Variants in ZC3H6 observed in about 807,000 individuals in gnomAD.
The protein encoded by ZC3H6 is zinc finger CCCH domain-containing protein 6.
Under a neutral mutation model 107.7 loss-of-function variants are expected in ZC3H6, and 40 were observed. The observed-to-expected ratio is 0.37, with a 90% CI of 0.29 to 0.48. ZC3H6 has a LOEUF of 0.48. Ranked by LOEUF, ZC3H6 falls within the 20% of genes least tolerant of loss-of-function variation. The pLI, the probability that ZC3H6 is intolerant of heterozygous loss-of-function variation, is 0.98. For missense variants in ZC3H6, 1,267 were observed against 1,410.4 expected, an observed-to-expected ratio of 0.90 and a Z score of 1.63; for synonymous variants, 493 against 487.9, an observed-to-expected ratio of 1.01 and a Z score of -0.14.
At chr2:112,290,749 A>G (rs1284685363) in intron 1 of ZC3H6, among the ~76,000 whole-genome samples, 2 of 152,198 alleles carry the variant, frequency 1.3e-5, no homozygotes, top group East Asian at 3.8e-4. Flanking sequence ...TCTCTGGATT[A>G]AGTCAGAATG....
Position 112,332,933 on chromosome 2 carries a change from G to C in ZC3H6, c.*445G>C, listed in dbSNP as rs1203169134. On this transcript the variant is annotated 3_prime_UTR_variant, in exon 12 of 12. Transcript: ENST00000409871. ...AGCACAGAACTGATTAATATGTAAT[G>C]CTACCTGCTAATTAAAATGTAAAAT... The C allele has an allele frequency of 6.5e-6, 1 of 152,922 alleles. No individual in the cohort carries two copies. The highest frequency in any genetic ancestry group is 2.4e-5 in the African/African-American group (1 of 41,444). The allele number at this position is 152,922 out of a possible 1,614,324, so 9.5% of individuals were successfully genotyped here.
At chr2:112,290,389 T>C (rs1676088272) in intron 1 of ZC3H6, among the ~76,000 whole-genome samples, 1 of 152,274 alleles carries the variant, frequency 6.6e-6, no homozygotes, top group Non-Finnish European at 1.5e-5. Flanking sequence ...TCAGTTTATT[T>C]ACGACTTCCT....
chr2:112,291,903 A>G (rs1676126441), intron 1 of ZC3H6, among the ~76,000 whole-genome samples: 1 of 151,882 alleles, frequency 6.6e-6, no homozygotes, highest in African/African-American at 2.4e-5. Context: ...TTTTTAGTAG[A>G]GATAGGGGTT....
At chr2:112,278,167 A>G (rs1005004659) in intron 1 of ZC3H6, among the ~76,000 whole-genome samples, 1 of 152,142 alleles carries the variant, frequency 6.6e-6, no homozygotes, top group Non-Finnish European at 1.5e-5. Flanking sequence ...AAATTTGGGG[A>G]AAAAATGGAC....
At chr2:112,324,749 TAAGTA>T in intron 10 of ZC3H6, 86 bp downstream of exon 10, 2 of 1,331,292 alleles carry the variant, frequency 1.5e-6, no homozygotes, top group Non-Finnish European at 2.0e-6. Context: ...ACGTAAGTTT[TAAGTA>T]AAGCTGAGTA....
intron 7 of ZC3H6, among the ~76,000 whole-genome samples, chr2:112,318,883 T>C (rs1676749738): frequency 6.6e-6 from 1 of 152,136 alleles, no homozygotes; most frequent in South Asian, 2.1e-4. Flanking sequence ...AGTCTTAACA[T>C]TACTAAAAAG....
chr2:112,335,053 A>G lies in ZC3H6; in HGVS notation c.*2565A>G, dbSNP rs1205422548. ...TTTACTGTGATGATGAATACAGTGG[A>G]TATAGCAGGGGGTTGAAATGGAACA... On this transcript the variant is annotated 3_prime_UTR_variant, in exon 12 of 12. Coordinates refer to ENST00000409871, the MANE Select transcript of ZC3H6 (RefSeq NM_198581.3). The G allele has an allele frequency of 6.6e-6, 1 of 152,234 alleles. No homozygotes were observed. The highest frequency in any genetic ancestry group is 2.4e-5 in the African/African-American group (1 of 41,440). The allele number at this position is 152,234 out of a possible 1,614,324, so 9.4% of individuals were successfully genotyped here. A position where few individuals can be genotyped will look rare whatever the true frequency, so the allele number is the denominator to read the frequency against.
At chr2:112,303,437 A>G in intron 3 of ZC3H6, 86 bp downstream of exon 3, 1 of 951,002 alleles carries the variant, frequency 1.1e-6, no homozygotes, top group Non-Finnish European at 1.6e-6. Flanking sequence ...ATTCAGTGAT[A>G]TTAAGTATAT....
At position 112,334,700 on chromosome 2, in the gene ZC3H6, T is replaced by G. The variant is rs1677109196; in HGVS notation, c.*2212T>G. On this transcript the variant is annotated 3_prime_UTR_variant, in exon 12 of 12. Coordinates refer to ENST00000409871, the MANE Select transcript of ZC3H6 (RefSeq NM_198581.3). ...ATAACTTATTTATTATGCAGCATTT[T>G]TATTGTGATAACGTTAGTTTATGGG... 1 of 152,604 alleles carries G rather than the reference T, an allele frequency of 6.6e-6. No individual in the cohort carries two copies. The highest frequency in any genetic ancestry group is 6.5e-5 in the Admixed American group (1 of 15,280). The allele number at this position is 152,604 out of a possible 1,614,324, so 9.5% of individuals were successfully genotyped here.
At chr2:112,324,889 A>G in intron 10 of ZC3H6, 75 bp from the exon 11 acceptor site, 2 of 1,330,998 alleles carry the variant, frequency 1.5e-6, no homozygotes, top group South Asian at 1.3e-5. Flanking sequence ...GCCTGTGATG[A>G]AAGCTTTCAT....
In ZC3H6 at chr2:112,330,055, G is replaced by GT. The variant is rs796884389; in HGVS notation, c.2087-935dup. On this transcript the variant is annotated intron_variant, in intron 11 of 11. Transcript: ENST00000409871. Reference sequence around the variant, plus strand: ...AAGTATGTAAGTTTTAGGATGGTAGGTTTTTTTTTTTTTTTGAGATGGAGT... The same window carrying GT: ...AAGTATGTAAGTTTTAGGATGGTAGGTTTTTTTTTTTTTTTTGAGATGGAGT... Among the ~76,000 whole-genome samples, 478 of 142,736 alleles carry GT rather than the reference G, an allele frequency of 3.3e-3. 1 individual carries two copies. Among genetic ancestry groups the GT allele is most frequent in the African/African-American group, 4.7e-3 (184 of 38,976 alleles). 93.6% of individuals were successfully genotyped at this position (142,736 alleles called of 152,430 possible).
Position 112,275,876 on chromosome 2 carries a change from C to T in ZC3H6, c.-119C>T, listed in dbSNP as rs1242005810. On this transcript the variant is annotated 5_prime_UTR_variant, in exon 1 of 12. Coordinates refer to ENST00000409871, the MANE Select transcript of ZC3H6 (RefSeq NM_198581.3). ...TAACCGTGAGTTTTTACCACTTCGT[C>T]ACCTGTCGGCGGCGGCCGGGAGCAG... 2.6e-6 allele frequency: 2 copies of T among 756,948 alleles called. No individual in the cohort carries two copies. The highest frequency in any genetic ancestry group is 3.0e-5 in the East Asian group (1 of 33,168). The allele number at this position is 756,948 out of a possible 1,614,324, so 46.9% of individuals were successfully genotyped here. A position where few individuals can be genotyped will look rare whatever the true frequency, so the allele number is the denominator to read the frequency against.
intron 1 of ZC3H6, among the ~76,000 whole-genome samples, chr2:112,279,729 C>G (rs1327936002): frequency 6.6e-6 from 1 of 152,096 alleles, no homozygotes; most frequent in African/African-American, 2.4e-5. Context: ...TCATTTGCAA[C>G]AGGGCTTTCA....
rs927378417 is a variant in ZC3H6, at chr2:112,334,317, T to C, written c.*1829T>C. On this transcript the variant is annotated 3_prime_UTR_variant, in exon 12 of 12. Transcript: ENST00000409871. ...GTCAGGATAAAATCAGAAAAATGGCTGATTTTAGTAAATGAAATTTTTAGC... is the reference window on the plus strand; with the variant it reads ...GTCAGGATAAAATCAGAAAAATGGCCGATTTTAGTAAATGAAATTTTTAGC... 1 of 152,076 alleles carries C rather than the reference T, an allele frequency of 6.6e-6. No individual in the cohort carries two copies. Among genetic ancestry groups the C allele is most frequent in the Non-Finnish European group, 1.5e-5 (1 of 67,966 alleles). The allele number at this position is 152,076 out of a possible 1,614,324, so 9.4% of individuals were successfully genotyped here. A position where few individuals can be genotyped will look rare whatever the true frequency, so the allele number is the denominator to read the frequency against.
In ZC3H6 at chr2:112,312,912, G is replaced by C. The variant is rs536696022; in HGVS notation, c.747+975G>C. On this transcript the variant is annotated intron_variant, in intron 5 of 11. Transcript: ENST00000409871. ...CTTTGTGTGAGAGCTGAGAGGGATA[G>C]CTATATACTATAATTTGAAAATGCT... 2.6e-4 allele frequency among the ~76,000 whole-genome samples: 39 copies of C among 151,158 alleles called. 1 individual carries two copies. The highest frequency in any genetic ancestry group is 9.9e-4 in the Admixed American group (15 of 15,206).
At chr2:112,282,521 C>T (rs1315937781) in intron 1 of ZC3H6, among the ~76,000 whole-genome samples, 1 of 152,132 alleles carries the variant, frequency 6.6e-6, no homozygotes, top group Admixed American at 6.6e-5. Context: ...TTATTAGGCA[C>T]CCTTTCTACA....
chr2:112,289,918 T>C (rs1409598474), intron 1 of ZC3H6, among the ~76,000 whole-genome samples: 2 of 152,130 alleles, frequency 1.3e-5, no homozygotes, highest in African/African-American at 4.8e-5. Context: ...TTTTGTATTT[T>C]TTTATAGAGA....
In ZC3H6 at chr2:112,303,749, C is replaced by T. The variant is rs568451907; in HGVS notation, c.336+398C>T. On this transcript the variant is annotated intron_variant, in intron 3 of 11. Coordinates refer to ENST00000409871, the MANE Select transcript of ZC3H6 (RefSeq NM_198581.3). ...TCCTTTTTAAGGCTGAATAATATTC[C>T]GTTGTGTGTATATATCACATTTTGT... 1.1e-4 allele frequency among the ~76,000 whole-genome samples: 17 copies of T among 152,144 alleles called. No homozygotes were observed. The South Asian group carries it at 1.2e-3, about 11-fold the overall frequency.
At position 112,276,100 on chromosome 2, in the gene ZC3H6, C is replaced by T. The variant is rs1686412840; in HGVS notation, c.32+74C>T. ...TGGGGCGGCGGGAGCGGGCCGGGGC[C>T]GGGCGCCTCCTGCATGACCTAGACG... On this transcript the variant is annotated intron_variant, in intron 1 of 11. Transcript: ENST00000409871. 15 of 1,411,120 alleles carry T rather than the reference C, an allele frequency of 1.1e-5. 1 individual carries two copies. In the South Asian group the frequency reaches 1.5e-4, roughly 14 times the overall value. 87.4% of individuals were successfully genotyped at this position (1,411,120 alleles called of 1,614,324 possible).
Sources: gnomAD v4.1 joint callset for allele counts (sites outside exome capture counted in the v4.1 genomes callset) on GRCh38, gnomAD v4.1.1 for gene constraint, MANE v1.5 for transcripts, NCBI Gene and HGNC (gene_info 2026-07-23, HGNC 2026-07-21) for gene names.